The following HHAT variants were observed in gnomAD, a reference collection of about 807,000 sequenced individuals.
HHAT encodes protein-cysteine N-palmitoyltransferase HHAT.
Under a neutral mutation model 70.8 loss-of-function variants are expected in HHAT, and 47 were observed. That is an observed-to-expected ratio of 0.66 (90% CI 0.53 to 0.85). The LOEUF (loss-of-function observed/expected upper bound fraction) is 0.85. Among genes scored for constraint, HHAT ranks in the 40% least tolerant of loss-of-function variants. The probability of loss-of-function intolerance (pLI) is 0.00; values close to 1 mark genes in which losing one functional copy is unlikely to be tolerated. For missense variants in HHAT, 609 were observed against 604.8 expected (o/e 1.01, Z -0.07); for synonymous variants, 228 against 247.6 (o/e 0.92, Z 0.74).
chr1:210,498,740 T>C (rs935757973), intron 8 of HHAT, among the ~76,000 whole-genome samples: 22 of 152,080 alleles, frequency 1.4e-4, no homozygotes, highest in African/African-American at 5.3e-4. Flanking sequence ...TTTATATGTA[T>C]TGCTTCCTTG....
intron 7 of HHAT, among the ~76,000 whole-genome samples, chr1:210,450,707 A>C (rs964480613): frequency 6.6e-6 from 1 of 152,028 alleles, no homozygotes; most frequent in Non-Finnish European, 1.5e-5. Context: ...TAAAATGTAC[A>C]AACAGCTTTC....
intron 11 of HHAT, among the ~76,000 whole-genome samples, chr1:210,630,566 TTTTGCCTGCTCAGTG>T (rs1363603745): frequency 6.6e-6 from 1 of 152,208 alleles, no homozygotes; most frequent in African/African-American, 2.4e-5. Flanking sequence ...ACTGCTGCAG[TTTTGCCTGCTCAGTG>T]TTTGTTTCCA....
intron 9 of HHAT, among the ~76,000 whole-genome samples, chr1:210,520,696 A>G (rs1222897809): frequency 6.6e-6 from 1 of 152,174 alleles, no homozygotes; most frequent in Non-Finnish European, 1.5e-5. Context: ...TATAATTTTT[A>G]TTGCTCTTTA....
rs142550217 is a variant in HHAT at position 210,416,552 on chromosome 1, CTA to C, written c.685-1600_685-1599del. Among the ~76,000 whole-genome samples the C allele has an allele frequency of 7.0e-3, 1,064 of 152,310 alleles. 14 individuals are homozygous for C. The highest frequency in any genetic ancestry group is 0.024 in the African/African-American group (1,013 of 41,556). On this transcript the variant is annotated intron_variant, in intron 6 of 11. Coordinates refer to ENST00000261458, the MANE Select transcript of HHAT (RefSeq NM_018194.6). ...CCAGCATGTTTATGAATTCTAGAAT[CTA>C]TGTGTTTTAAGTTACTGTGCATCTC...
chr1:210,440,312 G>A (rs925289165), intron 7 of HHAT, among the ~76,000 whole-genome samples: 6 of 151,768 alleles, frequency 4.0e-5, no homozygotes, highest in African/African-American at 7.3e-5. Context: ...AGAGGGAGGA[G>A]CCAACTGTGA....
intron 11 of HHAT, among the ~76,000 whole-genome samples, chr1:210,672,705 A>G (rs1274007276): frequency 6.6e-6 from 1 of 152,218 alleles, no homozygotes; most frequent in East Asian, 1.9e-4. Flanking sequence ...GAAGACATGA[A>G]GATTGTTAAG....
At chr1:210,640,754 G>A (rs991313842) in intron 11 of HHAT, among the ~76,000 whole-genome samples, 3 of 152,038 alleles carry the variant, frequency 2.0e-5, no homozygotes, top group Admixed American at 6.6e-5. Context: ...CAAGGAAATG[G>A]GAGGCTTAAA....
intron 8 of HHAT, 77 bp downstream of exon 8, chr1:210,464,732 C>CG: frequency 6.8e-7 from 1 of 1,477,614 alleles, no homozygotes; most frequent in Non-Finnish European, 9.3e-7. Context: ...TCAAAGGGTT[C>CG]GGGCTACTAT....
chr1:210,577,928 G>GTT (rs1658278594), intron 9 of HHAT, among the ~76,000 whole-genome samples: 3 of 152,202 alleles, frequency 2.0e-5, no homozygotes, highest in Admixed American at 6.5e-5. Flanking sequence ...TTACAGATGT[G>GTT]AGCCACTGCG....
chr1:210,389,211 T>C (rs2091287326), intron 4 of HHAT, among the ~76,000 whole-genome samples: 1 of 151,738 alleles, frequency 6.6e-6, no homozygotes, highest in Non-Finnish European at 1.5e-5. Flanking sequence ...AATGAACTTA[T>C]TTAGTAATTT....
intron 1 of HHAT, chr1:210,329,355 C>T: frequency 1.7e-6 from 2 of 1,192,802 alleles, no homozygotes; most frequent in South Asian, 4.2e-5. Flanking sequence ...GCGCACGGCC[C>T]TGCCCACGTC....
At position 210,358,793 on chromosome 1, in the gene HHAT, A is replaced by G. The variant is rs193128540; in HGVS notation, c.92-4059A>G. On this transcript the variant is annotated intron_variant, in intron 2 of 11. Coordinates refer to ENST00000261458, the MANE Select transcript of HHAT (RefSeq NM_018194.6). ...GTGTGTGTGTATGTGTTTTCTTCTG[A>G]TTATTGCCCTCTTACTACACACACC... 1.3e-3 allele frequency among the ~76,000 whole-genome samples: 191 copies of G among 152,114 alleles called. 1 individual carries two copies. Among genetic ancestry groups the G allele is most frequent in the Non-Finnish European group, 1.1e-3 (77 of 68,012 alleles).
intron 9 of HHAT, among the ~76,000 whole-genome samples, chr1:210,586,426 A>G (rs1248551903): frequency 6.6e-6 from 1 of 152,160 alleles, no homozygotes; most frequent in Non-Finnish European, 1.5e-5. Context: ...GGTAACATCT[A>G]GAGATGCTAT....
intron 9 of HHAT, among the ~76,000 whole-genome samples, chr1:210,563,279 C>G (rs544544235): frequency 6.6e-6 from 1 of 152,222 alleles, no homozygotes; most frequent in African/African-American, 2.4e-5. Context: ...AGCAGCTGAG[C>G]AACTGTATAA....
intron 9 of HHAT, among the ~76,000 whole-genome samples, chr1:210,583,616 A>G (rs1335716626): frequency 1.3e-5 from 2 of 152,246 alleles, no homozygotes; most frequent in Non-Finnish European, 2.9e-5. Flanking sequence ...TTAGGAATAA[A>G]GAAGGGATTT....
At chr1:210,544,617 CCCT>C (rs2095467048) in intron 9 of HHAT, among the ~76,000 whole-genome samples, 1 of 152,018 alleles carries the variant, frequency 6.6e-6, no homozygotes, top group Non-Finnish European at 1.5e-5. Context: ...AGGTGATCCG[CCCT>C]CCTCAGCCTC....
At chr1:210,375,058 C>T (rs1393184561) in intron 3 of HHAT, among the ~76,000 whole-genome samples, 1 of 152,180 alleles carries the variant, frequency 6.6e-6, no homozygotes, top group African/African-American at 2.4e-5. Flanking sequence ...TTAGTACAAC[C>T]CACAGACTTT....
At chr1:210,327,846 TA>T (rs1399726979), upstream of HHAT, among the ~76,000 whole-genome samples, 2 of 152,294 alleles carry the variant, frequency 1.3e-5, no homozygotes, top group South Asian at 4.1e-4. Flanking sequence ...TTTTATTTGC[TA>T]AATCTGGCAC....
intron 9 of HHAT, among the ~76,000 whole-genome samples, chr1:210,521,847 G>A (rs2095163022): frequency 6.6e-6 from 1 of 152,166 alleles, no homozygotes; most frequent in Admixed American, 6.5e-5. Flanking sequence ...TAAGGAGAGA[G>A]GTGCACATTT....
Sources: gnomAD v4.1 joint callset for allele counts (sites outside exome capture counted in the v4.1 genomes callset) on GRCh38, gnomAD v4.1.1 for gene constraint, MANE v1.5 for transcripts, NCBI Gene and HGNC (gene_info 2026-07-23, HGNC 2026-07-21) for gene names.